Variants in PHACTR1 observed in about 807,000 individuals in gnomAD.
The protein encoded by PHACTR1 is phosphatase and actin regulator 1.
A neutral mutation model predicts 69.2 loss-of-function variants in PHACTR1; 16 were observed. The observed-to-expected ratio is 0.23, with a 90% CI of 0.16 to 0.35. PHACTR1 has a LOEUF of 0.35. PHACTR1 is among the 10% of genes least tolerant of loss of function. The pLI is 1.00. For synonymous variants in PHACTR1, 312 were observed against 284.5 expected (o/e 1.10, Z -0.97); for missense variants, 510 against 734.7 (o/e 0.69, Z 3.54).
intron 5 of PHACTR1, among the ~76,000 whole-genome samples, chr6:13,067,891 G>A (rs1276838485): frequency 6.6e-6 from 1 of 152,154 alleles, no homozygotes; most frequent in Non-Finnish European, 1.5e-5. Flanking sequence ...TCTAAGATAA[G>A]GAGTTTTATG....
intron 6 of PHACTR1, among the ~76,000 whole-genome samples, chr6:13,177,381 C>CTA (rs144616334): frequency 0.054 from 7,949 of 147,830 alleles, 235 homozygotes; most frequent in African/African-American, 0.084. Flanking sequence ...CTCTCTCTCT[C>CTA]TATATATATA....
intron 4 of PHACTR1, among the ~76,000 whole-genome samples, chr6:12,802,884 A>G (rs72835681): frequency 0.022 from 3,350 of 152,274 alleles, 73 homozygotes; most frequent in Non-Finnish European, 0.029. Context: ...GCAAGTTTTG[A>G]GTTTGGTTTC....
intron 10 of PHACTR1, among the ~76,000 whole-genome samples, chr6:13,262,024 AC>A (rs1775984071): frequency 1.3e-5 from 2 of 152,204 alleles, no homozygotes; most frequent in South Asian, 4.1e-4. Context: ...GTAAAGGCAT[AC>A]TTACTTTTCA....
At chr6:12,891,759 T>C (rs9472833) in intron 4 of PHACTR1, among the ~76,000 whole-genome samples, 6,573 of 142,178 alleles carry the variant, frequency 0.046, 459 homozygotes, top group African/African-American at 0.16. Context: ...TAAGTCACTT[T>C]TACTAACAGC....
At chr6:12,794,123 G>A (rs1029313283) in intron 4 of PHACTR1, among the ~76,000 whole-genome samples, 4 of 152,212 alleles carry the variant, frequency 2.6e-5, no homozygotes, top group Admixed American at 2.0e-4. Context: ...GCCTATTTAT[G>A]AGAACAAAAT....
chr6:13,286,050 T>C (rs1781629119), intron 13 of PHACTR1, 96 bp from the exon 14 acceptor site: 1 of 1,043,950 alleles, frequency 9.6e-7, no homozygotes, highest in Admixed American at 3.3e-5. Context: ...TTTGTCTTTG[T>C]TGAAGAAGAA....
At chr6:12,967,905 A>G (rs1053085548) in intron 4 of PHACTR1, among the ~76,000 whole-genome samples, 1 of 152,220 alleles carries the variant, frequency 6.6e-6, no homozygotes, top group Admixed American at 6.5e-5. Context: ...CCATTTGAAA[A>G]CACTATCTTG....
At chr6:13,081,473 G>A (rs556211663) in intron 5 of PHACTR1, among the ~76,000 whole-genome samples, 7 of 152,084 alleles carry the variant, frequency 4.6e-5, no homozygotes, top group Non-Finnish European at 7.4e-5. Flanking sequence ...ATGCCCTTCC[G>A]AATCACTGCT....
At chr6:13,040,364 C>A (rs927213178) in intron 4 of PHACTR1, among the ~76,000 whole-genome samples, 1 of 152,114 alleles carries the variant, frequency 6.6e-6, no homozygotes, top group Non-Finnish European at 1.5e-5. Flanking sequence ...GAAAAAGGAA[C>A]AAGCACAAAT....
At chr6:12,724,112 G>T (rs1384362314) in intron 3 of PHACTR1, among the ~76,000 whole-genome samples, 2 of 152,162 alleles carry the variant, frequency 1.3e-5, no homozygotes, top group Non-Finnish European at 2.9e-5. Flanking sequence ...CAGATCGCCT[G>T]AGGTCAGGAG....
At chr6:13,161,581 C>G (rs1170073719) in intron 6 of PHACTR1, among the ~76,000 whole-genome samples, 1 of 152,110 alleles carries the variant, frequency 6.6e-6, no homozygotes, top group African/African-American at 2.4e-5. Context: ...GTCCTGTAAT[C>G]TGCCGACGCA....
intron 4 of PHACTR1, among the ~76,000 whole-genome samples, chr6:13,029,481 C>T (rs559477495): frequency 2.6e-4 from 39 of 152,146 alleles, no homozygotes; most frequent in African/African-American, 8.2e-4. Flanking sequence ...TGGCTAGTGA[C>T]GGCAGAATTT....
intron 4 of PHACTR1, among the ~76,000 whole-genome samples, chr6:12,777,741 C>T (rs1770275107): frequency 6.8e-6 from 1 of 147,446 alleles, no homozygotes; most frequent in African/African-American, 2.5e-5. Context: ...AAGCAATTCT[C>T]CTGCCTCAGC....
chr6:13,103,393 G>T (rs1561834653), intron 5 of PHACTR1, among the ~76,000 whole-genome samples: 1 of 152,160 alleles, frequency 6.6e-6, no homozygotes, highest in East Asian at 1.9e-4. Flanking sequence ...ATTGTTGTGA[G>T]AATTTGCAAA....
At chr6:13,174,527 A>G (rs917049922) in intron 6 of PHACTR1, among the ~76,000 whole-genome samples, 1 of 152,232 alleles carries the variant, frequency 6.6e-6, no homozygotes, top group Non-Finnish European at 1.5e-5. Context: ...TTTCTTTACA[A>G]TGGAAGCATA....
intron 7 of PHACTR1, chr6:13,184,846 C>A: frequency 7.3e-7 from 1 of 1,366,556 alleles, no homozygotes; most frequent in Non-Finnish European, 9.8e-7. Flanking sequence ...CCTCCTGTCC[C>A]AAGATCCTTC....
intron 7 of PHACTR1, among the ~76,000 whole-genome samples, chr6:13,190,191 T>TTTTTG (rs1465893514): frequency 8.4e-6 from 1 of 118,736 alleles, no homozygotes; most frequent in African/African-American, 3.6e-5. Context: ...GCTCAGCTAA[T>TTTTTG]TTTTGTATTT....
intron 5 of PHACTR1, among the ~76,000 whole-genome samples, chr6:13,055,003 C>T (rs1206853824): frequency 6.6e-6 from 1 of 152,150 alleles, no homozygotes; most frequent in Admixed American, 6.5e-5. Flanking sequence ...AGGAGATGTG[C>T]TTCTTGTACC....
chr6:12,929,832 C>G (rs1788675757), intron 4 of PHACTR1, among the ~76,000 whole-genome samples: 1 of 152,218 alleles, frequency 6.6e-6, no homozygotes, highest in Admixed American at 6.5e-5. Context: ...CAGAAATAAT[C>G]ATTTTAATTT....
Sources: allele counts gnomAD v4.1 joint callset (sites outside exome capture counted in the v4.1 genomes callset), GRCh38; gene constraint gnomAD v4.1.1; transcripts MANE v1.5; gene names NCBI Gene and HGNC (gene_info 2026-07-23, HGNC 2026-07-21).